STK32C: variants seen among roughly 807,000 people sequenced by gnomAD.
STK32C encodes the protein serine/threonine-protein kinase 32C.
STK32C carries 31 observed loss-of-function variants against 56.5 expected under a neutral mutation model. The observed-to-expected ratio is 0.55, with a 90% CI of 0.41 to 0.74. STK32C has a LOEUF of 0.74. Ranked by LOEUF, STK32C falls within the 30% of genes least tolerant of loss-of-function variation. The pLI, the probability that STK32C is intolerant of heterozygous loss-of-function variation, is 0.00. For missense variants in STK32C, 544 were observed against 676.9 expected (o/e 0.80, Z 2.18); for synonymous variants, 309 against 289.4 (o/e 1.07, Z -0.69).
rs192948125 is a variant in STK32C at position 132,227,410 on chromosome 10, C to T, written c.471-442G>A. Among the ~76,000 whole-genome samples the T allele has an allele frequency of 6.6e-5, 10 of 152,234 alleles. No homozygotes were observed. The East Asian group carries it at 7.7e-4, about 12-fold the overall frequency. ...TAACAACCAGCATCCATGGTGTTGA[C>T]GATGGCAGTGATGGTGGTGGTGGTG... On this transcript the variant is annotated intron_variant, in intron 3 of 11. Transcript: ENST00000298630.
intron 1 of STK32C, among the ~76,000 whole-genome samples, chr10:132,315,059 AAG>A (rs1252877509): frequency 6.6e-6 from 1 of 152,162 alleles, no homozygotes; most frequent in East Asian, 1.9e-4. Context: ...ATTCGAACCT[AAG>A]AGGCGGAAGT....
chr10:132,331,431 C>T, intron 1 of STK32C: 1 of 1,608,794 alleles, frequency 6.2e-7, no homozygotes, highest in South Asian at 1.1e-5. Context: ...CCTCAGGACA[C>T]TCACTGCGTT....
chr10:132,303,535 C>T (rs933515301), intron 1 of STK32C, among the ~76,000 whole-genome samples: 3 of 152,198 alleles, frequency 2.0e-5, no homozygotes, highest in Non-Finnish European at 4.4e-5. Context: ...GAAGGCTCAG[C>T]CTGTGTACCA....
chr10:132,224,762 G>T (rs1359254059), intron 7 of STK32C, among the ~76,000 whole-genome samples: 1 of 152,122 alleles, frequency 6.6e-6, no homozygotes, highest in African/African-American at 2.4e-5. Flanking sequence ...AGGGGGCCTG[G>T]GTCCAGGTAG....
chr10:132,225,430 C>T (rs762540233), intron 6 of STK32C, 94 bp from the exon 7 acceptor site: 3 of 1,589,856 alleles, frequency 1.9e-6, no homozygotes, highest in South Asian at 2.2e-5. Flanking sequence ...ATCCCGAGAC[C>T]AGGCTGCCTC....
Position 132,261,648 on chromosome 10 carries a change from C to T in STK32C, c.263-15693G>A, listed in dbSNP as rs139145852. Among the ~76,000 whole-genome samples the T allele has an allele frequency of 1.5e-3, 227 of 152,212 alleles. 2 individuals are homozygous for T. Among genetic ancestry groups the T allele is most frequent in the Admixed American group, 7.1e-3 (109 of 15,294 alleles). On this transcript the variant is annotated intron_variant, in intron 1 of 11. Transcript: ENST00000298630. ...GGCATGGTGGTGCACACCTGTAATC[C>T]CAGCTAGTCAGGAGGCTGAGGCACA...
intron 4 of STK32C, among the ~76,000 whole-genome samples, chr10:132,226,352 C>T (rs2062889357): frequency 6.6e-6 from 1 of 152,196 alleles, no homozygotes; most frequent in South Asian, 2.1e-4. Context: ...TTCCTATTTT[C>T]TTTTTTTAAA....
intron 1 of STK32C, among the ~76,000 whole-genome samples, chr10:132,282,977 C>T (rs954812708): frequency 6.6e-6 from 1 of 152,240 alleles, no homozygotes; most frequent in Non-Finnish European, 1.5e-5. Flanking sequence ...GCTGCGTTCT[C>T]AGGCCGAGGC....
intron 1 of STK32C, among the ~76,000 whole-genome samples, chr10:132,271,025 G>T (rs2064801420): frequency 6.6e-6 from 1 of 152,142 alleles, no homozygotes; most frequent in African/African-American, 2.4e-5. Flanking sequence ...TGAGACCAAG[G>T]GGGTTCTGAA....
intron 4 of STK32C, among the ~76,000 whole-genome samples, chr10:132,226,291 G>A (rs550086128): frequency 6.6e-6 from 1 of 152,152 alleles, no homozygotes. Flanking sequence ...CCATTGCTGC[G>A]GAATTTCAGC....
intron 7 of STK32C, 97 bp downstream of exon 7, chr10:132,225,136 C>T (rs765419261): frequency 4.3e-4 from 398 of 917,094 alleles, no homozygotes; most frequent in Non-Finnish European, 5.9e-4. Flanking sequence ...CATCCCTGCG[C>T]ACCTGGACAC....
chr10:132,293,926 C>T (rs2065651910), intron 1 of STK32C, among the ~76,000 whole-genome samples: 2 of 152,154 alleles, frequency 1.3e-5, no homozygotes. Context: ...ACCTGACGGT[C>T]ACAGGCACGA....
intron 1 of STK32C, among the ~76,000 whole-genome samples, chr10:132,254,000 A>G (rs56371975): frequency 0.052 from 7,884 of 152,244 alleles, 552 homozygotes; most frequent in African/African-American, 0.16. Flanking sequence ...GCCTCAGTGG[A>G]GTTTCAGGTT....
At chr10:132,273,872 G>A (rs2064914462) in intron 1 of STK32C, among the ~76,000 whole-genome samples, 1 of 152,220 alleles carries the variant, frequency 6.6e-6, no homozygotes, top group Non-Finnish European at 1.5e-5. Context: ...AATGAGAGTG[G>A]ATCTAAGTGA....
intron 1 of STK32C, among the ~76,000 whole-genome samples, chr10:132,273,762 G>A (rs1050067151): frequency 1.3e-5 from 2 of 152,144 alleles, no homozygotes; most frequent in Non-Finnish European, 2.9e-5. Flanking sequence ...AATGCAGTGA[G>A]TGAATGAACA....
intron 3 of STK32C, 117 bp from the exon 4 acceptor site, chr10:132,227,085 G>C: frequency 8.3e-7 from 1 of 1,208,394 alleles, no homozygotes. Context: ...TCAGCCACCA[G>C]GCATTCCCAG....
chr10:132,227,779 G>A (rs12570378), intron 3 of STK32C, among the ~76,000 whole-genome samples, 198 bp downstream of exon 3: 35,069 of 152,160 alleles, frequency 0.23, 4,709 homozygotes, highest in Admixed American at 0.36. Context: ...ACCCCAGCAT[G>A]TCATGGCCAC....
rs2066119332 is a variant in STK32C at position 132,307,629 on chromosome 10, C to T, written c.205G>A (p.Gly69Ser). 2 of 1,557,166 alleles carry T rather than the reference C, an allele frequency of 1.3e-6. No individual in the cohort carries two copies. Among genetic ancestry groups the T allele is most frequent in the African/African-American group, 1.4e-5 (1 of 70,216 alleles). The change falls in exon 1 of 12, where the codon GGC becomes AGC. Residue 69 changes from glycine (G) to serine (S), a missense_variant. Physicochemically the swap from Gly to Ser is moderately conservative, Grantham distance 56 (BLOSUM62 0). Transcript: ENST00000298630. This position sits in a 1 kb window ranked among gnomAD's most constrained non-coding sequence, Gnocchi z 4.4. ...FQWSKWKKRMGSSMSAATARR... is the reference protein window; with the variant it reads ...FQWSKWKKRMSSSMSAATARR... Reference sequence around the variant, plus strand: ...GCGGTGGCCGCCGACATGGACGAGCCCATCCTCTTCTTCCACTTGCTCCAC... The same window carrying T: ...GCGGTGGCCGCCGACATGGACGAGCTCATCCTCTTCTTCCACTTGCTCCAC...
chr10:132,254,802 G>A (rs182815191), intron 1 of STK32C, among the ~76,000 whole-genome samples: 5 of 152,290 alleles, frequency 3.3e-5, no homozygotes, highest in Admixed American at 2.6e-4. Flanking sequence ...CACCCCACGC[G>A]AAGGCTGTCT....
Sources: allele counts gnomAD v4.1 joint callset (sites outside exome capture counted in the v4.1 genomes callset), GRCh38; gene constraint gnomAD v4.1.1; non-coding constraint Gnocchi (gnomAD v3.1); transcripts MANE v1.5; gene names NCBI Gene and HGNC (gene_info 2026-07-23, HGNC 2026-07-21).